RARS1: variants seen among roughly 807,000 people sequenced by gnomAD.
RARS1 encodes arginine--tRNA ligase, cytoplasmic.
A neutral mutation model predicts 78.7 loss-of-function variants in RARS1; 75 were observed. The observed-to-expected ratio is 0.95, with a 90% confidence interval of 0.79 to 1.15. The LOEUF (loss-of-function observed/expected upper bound fraction) is 1.15. Among genes scored for constraint, RARS1 ranks in the 50% most tolerant of loss-of-function variants. RARS1 has a pLI of 0.00. For missense variants in RARS1, 787 were observed against 787.5 expected (o/e 1.00, Z 0.01); for synonymous variants, 273 against 268.2 (o/e 1.02, Z -0.18).
intron 10 of RARS1, 122 bp from the exon 11 acceptor site, chr5:168,506,600 C>T (rs1758451455): frequency 2.9e-6 from 2 of 691,530 alleles, no homozygotes; most frequent in East Asian, 5.4e-5. Flanking sequence ...TATAATAGCA[C>T]TTGTCTCACA....
rs1758703871 is a variant in RARS1 at position 168,517,877 on chromosome 5, A to C, written c.1688A>C (p.Lys563Thr). The change falls in exon 14 of 15, where the codon AAG becomes ACG. Residue 563 changes from lysine to threonine, a missense_variant. Physicochemically the swap from Lys to Thr is moderately conservative, Grantham distance 78. Coordinates refer to ENST00000231572, the MANE Select transcript of RARS1 (RefSeq NM_002887.4). ...EMLQKAARET[K>T]ILLDHEKEWK... ...CTCCAAAAAGCTGCTCGAGAAACCA[A>C]GATTCTTTTGGATCATGAGAAGGAA... 2 of 1,613,842 alleles carry C rather than the reference A, an allele frequency of 1.2e-6. No homozygotes were observed. Among genetic ancestry groups the C allele is most frequent in the Middle Eastern group, 1.6e-4 (1 of 6,062 alleles).
At chr5:168,518,095 T>TTTTTTTTTTTTG in intron 14 of RARS1, 33 bp downstream of exon 14, 1 of 1,338,148 alleles carries the variant, frequency 7.5e-7, no homozygotes, top group Non-Finnish European at 9.8e-7. Flanking sequence ...TTTTTTTTTT[T>TTTTTTTTTTTTG]AGTGAGAGAC....
intron 9 of RARS1, 70 bp from the exon 10 acceptor site, chr5:168,505,951 G>T (rs2152905291): frequency 3.4e-6 from 4 of 1,168,842 alleles, no homozygotes; most frequent in Non-Finnish European, 4.9e-6. Flanking sequence ...TTACATAGTA[G>T]AATGAGTAAG....
chr5:168,486,611 G>A (rs919286564), intron 1 of RARS1, 68 bp downstream of exon 1: 2 of 1,511,812 alleles, frequency 1.3e-6, no homozygotes, highest in African/African-American at 1.4e-5. Flanking sequence ...CTGCCCAAGC[G>A]GCTTCGGGGG....
At chr5:168,514,948 C>G (rs1758633299) in intron 12 of RARS1, among the ~76,000 whole-genome samples, 1 of 152,076 alleles carries the variant, frequency 6.6e-6, no homozygotes, top group Non-Finnish European at 1.5e-5. Context: ...TCTGTTAATT[C>G]TGTTTCCAGG....
chr5:168,513,198 A>G (rs1758599457), intron 12 of RARS1, among the ~76,000 whole-genome samples: 2 of 145,746 alleles, frequency 1.4e-5, no homozygotes, highest in South Asian at 4.3e-4. Context: ...GGCACCCACC[A>G]TCACGCCCTG....
In RARS1 at chr5:168,518,153, A is replaced by G; in HGVS notation, c.1873+91A>G. 3.0e-6 allele frequency: 4 copies of G among 1,320,902 alleles called. No homozygotes were observed. In the South Asian group the frequency reaches 5.4e-5, roughly 18 times the overall value. 81.8% of individuals were successfully genotyped at this position (1,320,902 alleles called of 1,614,324 possible). On this transcript the variant is annotated intron_variant, in intron 14 of 14. Coordinates refer to ENST00000231572, the MANE Select transcript of RARS1 (RefSeq NM_002887.4). ...GGCTGGAGTACGGTGGTGAAATCAT[A>G]GGTCACTGAAGCCTCAAACTTCTGG...
chr5:168,508,461 A>G (rs1758493563), intron 11 of RARS1, among the ~76,000 whole-genome samples: 1 of 151,818 alleles, frequency 6.6e-6, no homozygotes, highest in South Asian at 2.1e-4. Context: ...CTCTACTAAA[A>G]GTACAAAAAT....
chr5:168,506,589 T>C, intron 10 of RARS1, 133 bp from the exon 11 acceptor site: 1 of 648,388 alleles, frequency 1.5e-6, no homozygotes, highest in Non-Finnish European at 2.6e-6. Flanking sequence ...AGAAGAGGTT[T>C]TATAATAGCA....
chr5:168,498,057 A>G (rs1758235535), intron 7 of RARS1: 2 of 152,024 alleles, frequency 1.3e-5, no homozygotes, highest in Admixed American at 6.6e-5. Flanking sequence ...GTGAGATCCC[A>G]TCTCTACAAA....
At chr5:168,491,921 T>A (rs244898) in intron 2 of RARS1, among the ~76,000 whole-genome samples, 2 of 148,906 alleles carry the variant, frequency 1.3e-5, no homozygotes. Context: ...GTTTATCTTC[T>A]ATTAAAAGCA....
At chr5:168,513,482 G>C (rs566818079) in intron 12 of RARS1, among the ~76,000 whole-genome samples, 1 of 152,140 alleles carries the variant, frequency 6.6e-6, no homozygotes, top group African/African-American at 2.4e-5. Flanking sequence ...AACACACCAA[G>C]CTAATTTTTG....
intron 7 of RARS1, 134 bp downstream of exon 7, chr5:168,497,482 C>A: frequency 4.6e-6 from 3 of 648,344 alleles, no homozygotes; most frequent in Non-Finnish European, 4.7e-6. Flanking sequence ...CTTAGTAATA[C>A]ATGTCTCTGT....
chr5:168,506,192 A>G lies in RARS1; in HGVS notation c.1229A>G (p.Asn410Ser), dbSNP rs755467411. Residue 410 changes from asparagine to serine, a missense_variant, in exon 10 of 15, where the codon AAT becomes AGT. Physicochemically the swap from Asn to Ser is conservative, Grantham distance 46. Transcript: ENST00000231572. ...KADMIIYVVD[N>S]GQSVHFQTIF... ...GATATGATTATCTATGTTGTGGACAATGGACAAGTGAGTTTGTAAATTTGT... is the reference window on the plus strand; with the variant it reads ...GATATGATTATCTATGTTGTGGACAGTGGACAAGTGAGTTTGTAAATTTGT... 46 of 1,566,566 alleles carry G rather than the reference A, an allele frequency of 2.9e-5. No homozygotes were observed. Among genetic ancestry groups the G allele is most frequent in the Non-Finnish European group, 3.7e-5 (43 of 1,154,300 alleles).
At chr5:168,508,468 A>C (rs1468003545) in intron 11 of RARS1, among the ~76,000 whole-genome samples, 2 of 151,890 alleles carry the variant, frequency 1.3e-5, no homozygotes, top group East Asian at 3.9e-4. Context: ...AAAAGTACAA[A>C]AATTAGTTGG....
At chr5:168,495,030 A>C in intron 5 of RARS1, 1 of 360,366 alleles carries the variant, frequency 2.8e-6, no homozygotes, top group Non-Finnish European at 4.7e-6. Context: ...TTAATTCCAC[A>C]AGGCATTTGA....
intron 8 of RARS1, 113 bp downstream of exon 8, chr5:168,500,833 A>G (rs761819304): frequency 2.9e-5 from 37 of 1,295,750 alleles, no homozygotes; most frequent in Middle Eastern, 4.9e-4. Context: ...GGACAGGCAA[A>G]TAGATTTTTT....
Position 168,519,234 on chromosome 5 carries a change from A to G in RARS1, c.*44A>G, listed in dbSNP as rs560264306. 2.0e-6 allele frequency: 3 copies of G among 1,470,954 alleles called. No homozygotes were observed. In the South Asian group the frequency reaches 3.5e-5, roughly 17 times the overall value. The allele number at this position is 1,470,954 out of a possible 1,614,324, so 91.1% of individuals were successfully genotyped here. ...ACTGTGTGTTTTTACCAAAGTGGCC[A>G]TTGGCACTGTTTGCTTTTTTACAAT... is the stretch of plus-strand genomic sequence containing the variant. On this transcript the variant is annotated 3_prime_UTR_variant, in exon 15 of 15. Transcript: ENST00000231572.
chr5:168,500,200 C>CAAAAAAAAAAAAAAAAAAAAAAAAAAA (rs36015007), intron 7 of RARS1, among the ~76,000 whole-genome samples: 1 of 47,782 alleles, frequency 2.1e-5, no homozygotes, highest in Non-Finnish European at 3.7e-5. Flanking sequence ...GACTCTGTCT[C>CAAAAAAAAAAAAAAAAAAAAAAAAAAA]AAAAAAAAAA....
Sources: gnomAD v4.1 joint callset for allele counts (sites outside exome capture counted in the v4.1 genomes callset) on GRCh38, gnomAD v4.1.1 for gene constraint, MANE v1.5 for transcripts, NCBI Gene and HGNC (gene_info 2026-07-23, HGNC 2026-07-21) for gene names.